The following LINGO2 variants were observed in gnomAD, a reference collection of about 807,000 sequenced individuals.
LINGO2 encodes the protein leucine rich repeat and Ig domain containing 2.
LINGO2 carries 14 observed loss-of-function variants against 30.6 expected under a neutral mutation model. The observed-to-expected ratio is 0.46, with a 90% CI of 0.30 to 0.72. The LOEUF is 0.72. Among genes scored for constraint, LINGO2 ranks in the 30% least tolerant of loss-of-function variants. The pLI, the probability that LINGO2 is intolerant of heterozygous loss-of-function variation, is 0.07. For missense variants in LINGO2, 729 were observed against 751.7 expected (o/e 0.97, Z 0.35); for synonymous variants, 317 against 288.5 (o/e 1.10, Z -1.00).
the LINGO2 span, among the ~76,000 whole-genome samples, chr9:28,886,132 A>C: frequency 4.6e-4 from 70 of 152,330 alleles, no homozygotes; most frequent in Middle Eastern, 3.4e-3. Flanking sequence ...AAATTAACTA[A>C]ATCAACGAGT....
At chr9:28,655,842 G>A (rs575748632) in intron 1 of LINGO2, among the ~76,000 whole-genome samples, 1 of 152,188 alleles carries the variant, frequency 6.6e-6, no homozygotes, top group African/African-American at 2.4e-5. Flanking sequence ...ATGCTGAACT[G>A]TGAATCAATT....
At chr9:28,110,645 T>C (rs969309937) in intron 4 of LINGO2, among the ~76,000 whole-genome samples, 2 of 152,180 alleles carry the variant, frequency 1.3e-5, no homozygotes, top group Admixed American at 6.5e-5. Flanking sequence ...AAACTCATCA[T>C]CACTGACCAT....
intron 1 of LINGO2, among the ~76,000 whole-genome samples, chr9:28,568,021 AG>A (rs1351731133): frequency 6.6e-6 from 1 of 152,032 alleles, no homozygotes; most frequent in Non-Finnish European, 1.5e-5. Context: ...CCTATAGACC[AG>A]CCAGTGAAAA....
chr9:29,150,590 A>G, the LINGO2 span, among the ~76,000 whole-genome samples: 1 of 152,176 alleles, frequency 6.6e-6, no homozygotes, highest in East Asian at 1.9e-4. Context: ...GAATGTCTGG[A>G]ACTGAAAAAT....
intron 4 of LINGO2, among the ~76,000 whole-genome samples, chr9:28,254,897 T>C (rs1416985792): frequency 1.3e-5 from 2 of 152,128 alleles, no homozygotes; most frequent in Non-Finnish European, 2.9e-5. Context: ...TAGTTATTTT[T>C]CCTGATCCTC....
chr9:28,193,775 G>C (rs1396010393), intron 4 of LINGO2, among the ~76,000 whole-genome samples: 1 of 152,150 alleles, frequency 6.6e-6, no homozygotes, highest in Admixed American at 6.5e-5. Context: ...AGAGTCCCTC[G>C]TGTGAGTCCA....
chr9:28,019,919 A>C (rs539778361), intron 4 of LINGO2, among the ~76,000 whole-genome samples: 15 of 152,192 alleles, frequency 9.9e-5, no homozygotes, highest in Admixed American at 6.5e-4. Context: ...CTGTTTCCCA[A>C]ACTTAGCCAA....
chr9:28,133,011 T>G (rs1827419930), intron 4 of LINGO2, among the ~76,000 whole-genome samples: 1 of 152,174 alleles, frequency 6.6e-6, no homozygotes, highest in Admixed American at 6.5e-5. Flanking sequence ...ATTTTTAACA[T>G]AAATACCCTA....
At chr9:28,642,126 A>G (rs1272087326) in intron 1 of LINGO2, among the ~76,000 whole-genome samples, 1 of 152,008 alleles carries the variant, frequency 6.6e-6, no homozygotes, top group Non-Finnish European at 1.5e-5. Context: ...AAATTAACAT[A>G]CACTTTTACT....
At chr9:27,945,438 T>C (rs1823328259), downstream of LINGO2, among the ~76,000 whole-genome samples, 1 of 152,152 alleles carries the variant, frequency 6.6e-6, no homozygotes, top group Non-Finnish European at 1.5e-5. Flanking sequence ...GTAGGGCAAC[T>C]TCTGAATGTG....
rs1052051386 is a variant in LINGO2 at position 28,199,218 on chromosome 9, T to C, written c.-87+95990A>G. Among the ~76,000 whole-genome samples the C allele has an allele frequency of 1.3e-4, 20 of 152,180 alleles. 1 individual carries two copies. The highest frequency in any genetic ancestry group is 4.6e-4 in the Admixed American group (7 of 15,288). ...CCTCCTTAGCACATTGCCTGGTGCATAGTAGGCAATTAATAAATGCTTTAT... is the reference window on the plus strand; with the variant it reads ...CCTCCTTAGCACATTGCCTGGTGCACAGTAGGCAATTAATAAATGCTTTAT... On this transcript the variant is annotated intron_variant, in intron 4 of 5. Transcript: ENST00000379992.
intron 3 of LINGO2, among the ~76,000 whole-genome samples, chr9:28,341,655 C>T (rs1825769032): frequency 6.6e-6 from 1 of 152,110 alleles, no homozygotes; most frequent in African/African-American, 2.4e-5. Context: ...GCTTATGAAA[C>T]TTTACCTATT....
intron 3 of LINGO2, among the ~76,000 whole-genome samples, chr9:28,350,262 A>G (rs28773494): frequency 0.38 from 49,873 of 130,068 alleles, 9,833 homozygotes; most frequent in African/African-American, 0.54. Context: ...CCCATCTCAC[A>G]TGCAGAGACA....
In LINGO2 at chr9:28,138,665, T is replaced by C. The variant is rs556581422; in HGVS notation, c.-86-126260A>G. Among the ~76,000 whole-genome samples, 17 of 152,360 alleles carry C rather than the reference T, an allele frequency of 1.1e-4. 1 individual carries two copies. In the South Asian group the frequency reaches 2.7e-3, roughly 24 times the overall value. On this transcript the variant is annotated intron_variant, in intron 4 of 5. Transcript: ENST00000379992. Reference sequence around the variant, plus strand: ...TCCACTTCCTTTTGTAGTGGAACTCTTGTCCTTAGGCCTCCTTTAAGAACA... The same window carrying C: ...TCCACTTCCTTTTGTAGTGGAACTCCTGTCCTTAGGCCTCCTTTAAGAACA...
rs539524475 is a variant in LINGO2 at position 28,640,890 on chromosome 9, A to G, written c.-365+29310T>C. Among the ~76,000 whole-genome samples, 3 of 152,206 alleles carry G rather than the reference A, an allele frequency of 2.0e-5. No individual in the cohort carries two copies. In the East Asian group the frequency reaches 5.8e-4, roughly 29 times the overall value. On this transcript the variant is annotated intron_variant, in intron 1 of 5. Transcript: ENST00000379992. ...GTGAGGAGCTACGTTCCTTTAGAGG[A>G]GGAGAGGCACGCTGATTTTTAGAAT...
chr9:28,143,420 T>A (rs772311982), intron 4 of LINGO2, among the ~76,000 whole-genome samples: 17 of 152,316 alleles, frequency 1.1e-4, no homozygotes, highest in Non-Finnish European at 2.2e-4. Context: ...AATTTGCATC[T>A]TGAAATTGAT....
At chr9:28,206,267 A>G (rs1320334277) in intron 4 of LINGO2, among the ~76,000 whole-genome samples, 1 of 152,040 alleles carries the variant, frequency 6.6e-6, no homozygotes, top group East Asian at 1.9e-4. Context: ...TGAAGCACAC[A>G]AAAAGAAATT....
At chr9:29,160,225 C>A in the LINGO2 span, among the ~76,000 whole-genome samples, 10 of 152,174 alleles carry the variant, frequency 6.6e-5, no homozygotes, top group South Asian at 2.1e-4. Flanking sequence ...AGAAACCATG[C>A]TTTGAGCACC....
intron 5 of LINGO2, among the ~76,000 whole-genome samples, chr9:27,971,358 C>T (rs370879415): frequency 5.3e-4 from 80 of 152,052 alleles, no homozygotes; most frequent in Middle Eastern, 3.4e-3. Flanking sequence ...ACTGCACATC[C>T]GCATGTGAAA....
Sources: gnomAD v4.1 joint callset for allele counts (sites outside exome capture counted in the v4.1 genomes callset) on GRCh38, gnomAD v4.1.1 for gene constraint, MANE v1.5 for transcripts, NCBI Gene and HGNC (gene_info 2026-07-23, HGNC 2026-07-21) for gene names.